FAM107B: variants seen among roughly 807,000 people sequenced by gnomAD.
FAM107B encodes the protein family with sequence similarity 107 member B.
In FAM107B, 21 loss-of-function variants were observed where a neutral mutation model predicts 31.5. The ratio of observed to expected loss-of-function variants is 0.67; its 90% CI spans 0.47 to 0.96. The LOEUF (loss-of-function observed/expected upper bound fraction) is 0.96. Ranked by LOEUF, FAM107B falls within the 40% of genes least tolerant of loss-of-function variation. The pLI is 0.00. For synonymous variants in FAM107B, 157 were observed against 141.5 expected (o/e 1.11, Z -0.78); for missense variants, 452 against 377.1 (o/e 1.20, Z -1.64).
intron 1 of FAM107B, among the ~76,000 whole-genome samples, chr10:14,750,205 C>A (rs1832800214): frequency 6.6e-6 from 1 of 152,276 alleles, no homozygotes. Flanking sequence ...TCCCCAGAGA[C>A]AACTGCCTGT....
At chr10:14,680,953 T>C (rs1325048725) in intron 1 of FAM107B, among the ~76,000 whole-genome samples, 2 of 152,138 alleles carry the variant, frequency 1.3e-5, no homozygotes, top group Admixed American at 6.6e-5. Flanking sequence ...CATCATTGGG[T>C]CTATGAAGTG....
chr10:14,749,722 G>C (rs963671781), intron 1 of FAM107B, among the ~76,000 whole-genome samples: 3 of 152,062 alleles, frequency 2.0e-5, no homozygotes, highest in Admixed American at 6.5e-5. Flanking sequence ...CCATCCCAGG[G>C]AGCAGGGGCA....
Position 14,755,631 on chromosome 10 carries a change from T to C in FAM107B, c.411+18622A>G, listed in dbSNP as rs145305701. Among the ~76,000 whole-genome samples, 382 of 152,314 alleles carry C rather than the reference T, an allele frequency of 2.5e-3. 1 individual carries two copies. The highest frequency in any genetic ancestry group is 8.7e-3 in the African/African-American group (363 of 41,560). On this transcript the variant is annotated intron_variant, in intron 1 of 4. Transcript: ENST00000181796. ...CTTGTAACTATTCTCTCTAGAAATC[T>C]CACCATTGATTCCTTTTTCATCCAT... is the stretch of plus-strand genomic sequence containing the variant.
At chr10:14,604,381 G>T in intron 2 of FAM107B, 1 of 340,420 alleles carries the variant, frequency 2.9e-6, no homozygotes, top group Non-Finnish European at 4.1e-6. Flanking sequence ...CCGCAAGCCA[G>T]TCCGGCGCAG....
chr10:14,581,892 A>G (rs991260668), intron 2 of FAM107B, among the ~76,000 whole-genome samples: 9 of 152,212 alleles, frequency 5.9e-5, no homozygotes, highest in African/African-American at 1.9e-4. Context: ...TGGGTAACAG[A>G]GCAAGACCAT....
At chr10:14,537,478 G>A (rs1412206548) in intron 2 of FAM107B, among the ~76,000 whole-genome samples, 1 of 152,122 alleles carries the variant, frequency 6.6e-6, no homozygotes, top group Non-Finnish European at 1.5e-5. Flanking sequence ...AAGGGCCTTC[G>A]CCAGTTTAAC....
At chr10:14,722,518 C>T (rs1488259619) in intron 1 of FAM107B, among the ~76,000 whole-genome samples, 5 of 152,134 alleles carry the variant, frequency 3.3e-5, no homozygotes, top group Non-Finnish European at 7.4e-5. Context: ...TACAGCCATC[C>T]TAATGGCTGT....
At chr10:14,764,021 C>T (rs1290114913) in intron 1 of FAM107B, among the ~76,000 whole-genome samples, 1 of 152,240 alleles carries the variant, frequency 6.6e-6, no homozygotes, top group Admixed American at 6.5e-5. Flanking sequence ...TGCAACTTCC[C>T]ATCTCTACTG....
chr10:14,771,520 T>G (rs908101202), intron 1 of FAM107B, among the ~76,000 whole-genome samples: 1 of 151,924 alleles, frequency 6.6e-6, no homozygotes, highest in Admixed American at 6.5e-5. Flanking sequence ...GTGTTTGAGG[T>G]GGTAGATATC....
chr10:14,563,339 A>G (rs950015198), intron 2 of FAM107B, among the ~76,000 whole-genome samples: 2 of 152,260 alleles, frequency 1.3e-5, no homozygotes, highest in Non-Finnish European at 2.9e-5. Context: ...CCATGAATGC[A>G]TCATTTAAAA....
chr10:14,562,079 C>A (rs1019620004), intron 2 of FAM107B, among the ~76,000 whole-genome samples: 2 of 152,224 alleles, frequency 1.3e-5, no homozygotes, highest in African/African-American at 4.8e-5. Context: ...AGCCACTACG[C>A]CCGGCCTTAG....
intron 2 of FAM107B, among the ~76,000 whole-genome samples, chr10:14,596,611 A>G (rs1299801870): frequency 6.6e-6 from 1 of 152,208 alleles, no homozygotes; most frequent in Non-Finnish European, 1.5e-5. Flanking sequence ...GCAAACCCCA[A>G]GAGGGCAACT....
intron 2 of FAM107B, among the ~76,000 whole-genome samples, chr10:14,598,938 G>C (rs914554377): frequency 1.3e-5 from 2 of 152,132 alleles, no homozygotes; most frequent in African/African-American, 4.8e-5. Context: ...GAGAGGCCAG[G>C]CTCACAGCTC....
At chr10:14,759,910 C>A (rs1025141701) in intron 1 of FAM107B, among the ~76,000 whole-genome samples, 2 of 152,100 alleles carry the variant, frequency 1.3e-5, no homozygotes, top group African/African-American at 2.4e-5. Flanking sequence ...CAGGGTTCCA[C>A]CATGTTGGCC....
chr10:14,530,198 G>C (rs1001750913), intron 3 of FAM107B, 134 bp downstream of exon 3: 3 of 987,370 alleles, frequency 3.0e-6, no homozygotes, highest in Non-Finnish European at 4.4e-6. Context: ...TAGGATGTGA[G>C]AAGGAATAAG....
chr10:14,551,224 T>C (rs997533172), intron 2 of FAM107B, among the ~76,000 whole-genome samples: 6 of 152,258 alleles, frequency 3.9e-5, no homozygotes, highest in African/African-American at 1.4e-4. Context: ...TTCGGCTCAC[T>C]GCAATCTCTG....
chr10:14,696,539 G>A (rs1334729667), intron 1 of FAM107B, among the ~76,000 whole-genome samples: 5 of 151,954 alleles, frequency 3.3e-5, no homozygotes, highest in African/African-American at 4.8e-5. Context: ...ATTTTTTCGG[G>A]GGAGGTGGTG....
chr10:14,530,308 AAT>A, intron 3 of FAM107B, 22 bp downstream of exon 3: 1 of 1,587,616 alleles, frequency 6.3e-7, no homozygotes, highest in Non-Finnish European at 8.5e-7. Context: ...TTAAAAAAAA[AAT>A]ATGCTCAAGA....
intron 2 of FAM107B, among the ~76,000 whole-genome samples, chr10:14,648,460 C>A (rs79267957): frequency 0.011 from 1,638 of 152,304 alleles, 30 homozygotes; most frequent in African/African-American, 0.036. Context: ...TCAGATATCA[C>A]TGGAATAATC....
Sources: gnomAD v4.1 joint callset for allele counts (sites outside exome capture counted in the v4.1 genomes callset) on GRCh38, gnomAD v4.1.1 for gene constraint, MANE v1.5 for transcripts, NCBI Gene and HGNC (gene_info 2026-07-23, HGNC 2026-07-21) for gene names.